The following KCND2 variants were observed in gnomAD, a reference collection of about 807,000 sequenced individuals.
The protein encoded by KCND2 is potassium voltage-gated channel subfamily D member 2, also known as A-type voltage-gated potassium channel KCND2.
KCND2 carries 16 observed loss-of-function variants against 54.4 expected under a neutral mutation model. That is an observed-to-expected ratio of 0.29 (90% CI 0.20 to 0.45). The LOEUF (loss-of-function observed/expected upper bound fraction) is 0.45. KCND2 is among the 20% of genes least tolerant of loss of function. The pLI is 1.00. For synonymous variants in KCND2, 317 were observed against 310.7 expected (o/e 1.02, Z -0.21); for missense variants, 486 against 824.2 (o/e 0.59, Z 5.02).
chr7:120,390,127 A>G (rs1173532109), intron 1 of KCND2, among the ~76,000 whole-genome samples: 1 of 151,940 alleles, frequency 6.6e-6, no homozygotes, highest in African/African-American at 2.4e-5. Context: ...TAAATATAGT[A>G]TGTCCTAGCT....
At chr7:120,302,450 A>G (rs1196351658) in intron 1 of KCND2, among the ~76,000 whole-genome samples, 1 of 151,916 alleles carries the variant, frequency 6.6e-6, no homozygotes, top group Non-Finnish European at 1.5e-5. Flanking sequence ...TTTGACGGGG[A>G]CGGGGAGGTG....
chr7:120,428,221 TTTAG>T (rs1175343648), intron 1 of KCND2, among the ~76,000 whole-genome samples: 2 of 152,230 alleles, frequency 1.3e-5, no homozygotes, highest in Non-Finnish European at 2.9e-5. Flanking sequence ...ACATAACTAC[TTTAG>T]TTAATCATTT....
intron 1 of KCND2, among the ~76,000 whole-genome samples, chr7:120,611,645 C>A (rs2116487400): frequency 6.6e-6 from 1 of 152,206 alleles, no homozygotes; most frequent in Non-Finnish European, 1.5e-5. Context: ...GAGTCTAAAA[C>A]CTAAGAGATA....
At chr7:120,710,036 GC>G (rs1355713847) in intron 1 of KCND2, among the ~76,000 whole-genome samples, 1 of 152,126 alleles carries the variant, frequency 6.6e-6, no homozygotes, top group Non-Finnish European at 1.5e-5. Context: ...GCCTTTATGA[GC>G]TTACACACCC....
chr7:120,387,989 T>G (rs1801014827), intron 1 of KCND2, among the ~76,000 whole-genome samples: 1 of 152,040 alleles, frequency 6.6e-6, no homozygotes, highest in African/African-American at 2.4e-5. Context: ...GGCTGTTGTC[T>G]CTTTTCCATA....
chr7:120,644,067 T>A (rs1248061050), intron 1 of KCND2, among the ~76,000 whole-genome samples: 1 of 152,138 alleles, frequency 6.6e-6, no homozygotes, highest in Non-Finnish European at 1.5e-5. Flanking sequence ...AAAGCTTAGC[T>A]AAATTATATC....
intron 1 of KCND2, among the ~76,000 whole-genome samples, chr7:120,711,112 G>C (rs1012934429): frequency 1.3e-5 from 2 of 151,786 alleles, no homozygotes; most frequent in African/African-American, 4.8e-5. Flanking sequence ...ACGAAATGTA[G>C]ATGATATATA....
chr7:120,736,402 C>T (rs1792871003), intron 2 of KCND2, among the ~76,000 whole-genome samples: 1 of 151,962 alleles, frequency 6.6e-6, no homozygotes, highest in South Asian at 2.1e-4. Context: ...CCTCTACTCC[C>T]ACCATTGGTA....
At chr7:120,303,433 A>G (rs1453215765) in intron 1 of KCND2, among the ~76,000 whole-genome samples, 5 of 152,192 alleles carry the variant, frequency 3.3e-5, no homozygotes, top group Admixed American at 3.3e-4. Context: ...TAAAGATAAA[A>G]TCATTAAATA....
chr7:120,672,140 G>GTTCAGTGA (rs1792000549), intron 1 of KCND2, among the ~76,000 whole-genome samples: 1 of 151,624 alleles, frequency 6.6e-6, no homozygotes, highest in East Asian at 1.9e-4. Context: ...ACCTACTTCT[G>GTTCAGTGA]TTCAGTGATT....
chr7:120,713,322 G>A (rs548433744), intron 1 of KCND2, among the ~76,000 whole-genome samples: 1 of 152,210 alleles, frequency 6.6e-6, no homozygotes, highest in South Asian at 2.1e-4. Context: ...CACGAACTGG[G>A]AAGTAGGAAG....
At chr7:120,397,858 T>G (rs990246578) in intron 1 of KCND2, among the ~76,000 whole-genome samples, 2 of 151,422 alleles carry the variant, frequency 1.3e-5, no homozygotes, top group Non-Finnish European at 3.0e-5. Context: ...TTAAACAATT[T>G]AAATTATTTA....
chr7:120,606,683 G>A (rs1287995656), intron 1 of KCND2, among the ~76,000 whole-genome samples: 5 of 151,844 alleles, frequency 3.3e-5, no homozygotes, highest in African/African-American at 2.4e-5. Context: ...ATAAATGTGA[G>A]GGCTTATTTC....
intron 1 of KCND2, among the ~76,000 whole-genome samples, chr7:120,714,886 C>A (rs1408686800): frequency 6.6e-6 from 1 of 151,986 alleles, no homozygotes; most frequent in African/African-American, 2.4e-5. Flanking sequence ...CCCACACACA[C>A]TTTTCAAGTT....
At chr7:120,490,589 A>G (rs111297917) in intron 1 of KCND2, among the ~76,000 whole-genome samples, 5,286 of 152,220 alleles carry the variant, frequency 0.035, 120 homozygotes, top group Non-Finnish European at 0.042. Flanking sequence ...TACATGGCTC[A>G]TAGTCAAGGC....
At chr7:120,494,412 G>C (rs1323911025) in intron 1 of KCND2, among the ~76,000 whole-genome samples, 1 of 152,082 alleles carries the variant, frequency 6.6e-6, no homozygotes, top group Non-Finnish European at 1.5e-5. Flanking sequence ...GCAATCTTTA[G>C]ATCACATTAC....
intron 1 of KCND2, among the ~76,000 whole-genome samples, chr7:120,481,746 A>G (rs1180760239): frequency 6.6e-6 from 1 of 152,176 alleles, no homozygotes; most frequent in Non-Finnish European, 1.5e-5. Context: ...AGTTGAATCC[A>G]CTACTTCAGA....
intron 1 of KCND2, among the ~76,000 whole-genome samples, chr7:120,343,934 A>G (rs1800276532): frequency 1.4e-5 from 1 of 73,432 alleles, no homozygotes; most frequent in African/African-American, 2.7e-5. Flanking sequence ...TCTAGACATC[A>G]CTGATAGATC....
At chr7:120,342,325 A>C (rs540948517) in intron 1 of KCND2, among the ~76,000 whole-genome samples, 1 of 152,226 alleles carries the variant, frequency 6.6e-6, no homozygotes, top group Non-Finnish European at 1.5e-5. Flanking sequence ...CACCTGGCAT[A>C]GAATAAGCAT....
Sources: gnomAD v4.1 joint callset for allele counts (sites outside exome capture counted in the v4.1 genomes callset) on GRCh38, gnomAD v4.1.1 for gene constraint, MANE v1.5 for transcripts, NCBI Gene and HGNC (gene_info 2026-07-23, HGNC 2026-07-21) for gene names.